MAS1: variants seen among roughly 807,000 people sequenced by gnomAD.
MAS1 encodes MAS1 proto-oncogene, G protein-coupled receptor.
For missense variants in MAS1, 387 were observed against 409.7 expected (o/e 0.94, Z 0.48); for synonymous variants, 163 against 164.2 (o/e 0.99, Z 0.05).
chr6:159,914,263 A>C lies in MAS1; in HGVS notation c.*6330A>C, dbSNP rs1018865700. On this transcript the variant is annotated 3_prime_UTR_variant, in exon 3 of 3. Coordinates refer to ENST00000674077, the MANE Select transcript of MAS1 (RefSeq NM_002377.4). ...TGCTACAGCTTTGTTATCTCTTTTG[A>C]TGTTGTCGTTTTCCCCTGAGTTTTC... 9.2e-5 allele frequency: 14 copies of C among 151,762 alleles called. No homozygotes were observed. Among genetic ancestry groups the C allele is most frequent in the African/African-American group, 3.2e-4 (13 of 41,254 alleles). 9.4% of individuals were successfully genotyped at this position (151,762 alleles called of 1,614,324 possible).
rs191602926 is a variant in MAS1, at chr6:159,895,558, G to T, written c.-243-3628G>T. Among the ~76,000 whole-genome samples, 143 of 152,188 alleles carry T rather than the reference G, an allele frequency of 9.4e-4. 2 individuals carry two copies. The South Asian group carries it at 0.01, about 11-fold the overall frequency. On this transcript the variant is annotated intron_variant, in intron 1 of 2. Transcript: ENST00000674077. ...AAATGTTTCTTGCAGTTCAATAAAA[G>T]AAATGGACATAGAGTATGAAAAAAC...
rs147267209 is a variant in MAS1, at chr6:159,907,710, A to G, written c.755A>G (p.Tyr252Cys). The G allele has an allele frequency of 2.3e-3, 3,775 of 1,613,268 alleles. 7 individuals carry two copies. Among genetic ancestry groups the G allele is most frequent in the Middle Eastern group, 2.8e-3 (17 of 6,062 alleles). ...ATGAGACTCCTTTACCTGCTGTACT[A>G]TGAGTATTGGTCGACCTTTGGGAAC... ...MPMRLLYLLY[Y>C]EYWSTFGNLH... Residue 252 changes from tyrosine to cysteine, a missense_variant, in exon 3 of 3, where the codon TAT becomes TGT. Transcript: ENST00000674077.
intron 1 of MAS1, among the ~76,000 whole-genome samples, chr6:159,897,122 C>A (rs2115109601): frequency 6.6e-6 from 1 of 152,300 alleles, no homozygotes; most frequent in Non-Finnish European, 1.5e-5. Context: ...GATCCGCCCG[C>A]CTCGGCCTCC....
At chr6:159,898,787 T>G (rs1417615362) in intron 1 of MAS1, among the ~76,000 whole-genome samples, 1 of 150,490 alleles carries the variant, frequency 6.6e-6, no homozygotes, top group Non-Finnish European at 1.5e-5. Context: ...CCTTCTCCCT[T>G]CTTCTCCTTC....
chr6:159,897,771 A>G (rs220733), intron 1 of MAS1, among the ~76,000 whole-genome samples: 150,112 of 152,344 alleles, frequency 0.99, 73,969 homozygotes, highest in East Asian at 1. Context: ...CATTTTTTTG[A>G]TGGCAGAGCT....
At chr6:159,894,526 C>T (rs1404390089) in intron 1 of MAS1, among the ~76,000 whole-genome samples, 1 of 151,542 alleles carries the variant, frequency 6.6e-6, no homozygotes, top group Non-Finnish European at 1.5e-5. Context: ...TGCAGGAAAG[C>T]AGGAGGAGAG....
At chr6:159,896,854 G>A (rs1012528012) in intron 1 of MAS1, among the ~76,000 whole-genome samples, 3 of 141,716 alleles carry the variant, frequency 2.1e-5, no homozygotes, top group African/African-American at 7.6e-5. Flanking sequence ...CAGAGACTGG[G>A]TTTTTTTGTT....
In MAS1 at chr6:159,909,082, C is replaced by T. The variant is rs542568083; in HGVS notation, c.*1149C>T. 1.3e-5 allele frequency: 2 copies of T among 151,470 alleles called. No homozygotes were observed. The highest frequency in any genetic ancestry group is 2.9e-5 in the Non-Finnish European group (2 of 67,986). 9.4% of individuals were successfully genotyped at this position (151,470 alleles called of 1,614,324 possible). A position where few individuals can be genotyped will look rare whatever the true frequency, so the allele number is the denominator to read the frequency against. ...TCTGATATTTTTGCTCATGACAGATCCTTGCATGACTTCCTCAGAATCTTT... is the reference window on the plus strand; with the variant it reads ...TCTGATATTTTTGCTCATGACAGATTCTTGCATGACTTCCTCAGAATCTTT... On this transcript the variant is annotated 3_prime_UTR_variant, in exon 3 of 3. Coordinates refer to ENST00000674077, the MANE Select transcript of MAS1 (RefSeq NM_002377.4).
Position 159,907,909 on chromosome 6 carries a change from G to C in MAS1, c.954G>C (p.Thr318=). 1 of 1,605,014 alleles carries C rather than the reference G, an allele frequency of 6.2e-7. No individual in the cohort carries two copies. The highest frequency in any genetic ancestry group is 8.5e-7 in the Non-Finnish European group (1 of 1,176,294). The change falls in exon 3 of 3, where the codon ACG becomes ACC. Residue 318 remains threonine (T), a synonymous_variant. Transcript: ENST00000674077. ...GGCGCCAGAAAGACAATTGTAATACGGTCACAGTTGAGACTGTCGTCTAAG... is the reference window on the plus strand; with the variant it reads ...GGCGCCAGAAAGACAATTGTAATACCGTCACAGTTGAGACTGTCGTCTAAG... The part of the protein sequence containing the change: ...QPRRQKDNCN[T]VTVETVV
chr6:159,891,487 C>T (rs2115104887), intron 1 of MAS1, among the ~76,000 whole-genome samples: 1 of 152,262 alleles, frequency 6.6e-6, no homozygotes, highest in South Asian at 2.1e-4. Flanking sequence ...GTTTTCAAGG[C>T]TGCTTAATGA....
chr6:159,917,316 C>T lies in MAS1; in HGVS notation c.*9383C>T, dbSNP rs1783039485. Among the ~76,000 whole-genome samples, 1 of 152,138 alleles carries T rather than the reference C, an allele frequency of 6.6e-6. No individual in the cohort carries two copies. Among genetic ancestry groups the T allele is most frequent in the Non-Finnish European group, 1.5e-5 (1 of 68,018 alleles). ...GAGATTTTCTGTAGTAAGTACATTGCCTGTAAATAGAATTCCAATTCTACA... is the reference window on the plus strand; with the variant it reads ...GAGATTTTCTGTAGTAAGTACATTGTCTGTAAATAGAATTCCAATTCTACA... On this transcript the variant is annotated 3_prime_UTR_variant, in exon 3 of 3. Coordinates refer to ENST00000674077, the MANE Select transcript of MAS1 (RefSeq NM_002377.4).
In MAS1 at chr6:159,910,324, A is replaced by G. The variant is rs1479845045; in HGVS notation, c.*2391A>G. On this transcript the variant is annotated 3_prime_UTR_variant, in exon 3 of 3. Transcript: ENST00000674077. ...TGTCTATGTCATAGGAGAAAGAGAC[A>G]CCGCATAACTACAACACCAGGCTGC... The G allele has an allele frequency of 6.6e-6, 1 of 152,258 alleles. No individual in the cohort carries two copies. The highest frequency in any genetic ancestry group is 1.5e-5 in the Non-Finnish European group (1 of 68,044). The allele number at this position is 152,258 out of a possible 1,614,324, so 9.4% of individuals were successfully genotyped here. A position where few individuals can be genotyped will look rare whatever the true frequency, so the allele number is the denominator to read the frequency against.
chr6:159,890,108 G>C (rs1324055314), upstream of MAS1, among the ~76,000 whole-genome samples: 1 of 152,162 alleles, frequency 6.6e-6, no homozygotes, highest in African/African-American at 2.4e-5. Context: ...TCAGGCTTGG[G>C]ATCTCAGACT....
intron 1 of MAS1, among the ~76,000 whole-genome samples, chr6:159,897,985 G>A (rs979250435): frequency 7.2e-5 from 11 of 151,816 alleles, no homozygotes; most frequent in African/African-American, 2.4e-4. Context: ...CTCTGTCTCC[G>A]GGGTTCAAGT....
chr6:159,892,877 T>G (rs2115106063), intron 1 of MAS1, among the ~76,000 whole-genome samples: 1 of 152,330 alleles, frequency 6.6e-6, no homozygotes, highest in South Asian at 2.1e-4. Context: ...TAGCATTTCT[T>G]ATACCCCAGC....
intron 2 of MAS1, chr6:159,906,611 G>C (rs967642716): frequency 4.8e-6 from 1 of 208,586 alleles, no homozygotes; most frequent in African/African-American, 2.3e-5. Context: ...CAGGGCACTC[G>C]GCCACTCTTG....
At chr6:159,890,958 A>T (rs986961187), upstream of MAS1, among the ~76,000 whole-genome samples, 2 of 152,182 alleles carry the variant, frequency 1.3e-5, no homozygotes, top group Non-Finnish European at 2.9e-5. Flanking sequence ...GGCACATCTC[A>T]AATATTTTCA....
At chr6:159,894,036 G>C (rs1323199322) in intron 1 of MAS1, among the ~76,000 whole-genome samples, 9 of 152,154 alleles carry the variant, frequency 5.9e-5, no homozygotes, top group Non-Finnish European at 1.3e-4. Flanking sequence ...ACCTGATGAG[G>C]CTCAGTTGGA....
rs569785407 is a variant in MAS1 at position 159,904,426 on chromosome 6, CTGTCCA to C, written c.-36-2492_-36-2487del. On this transcript the variant is annotated intron_variant, in intron 2 of 2. Coordinates refer to ENST00000674077, the MANE Select transcript of MAS1 (RefSeq NM_002377.4). Reference sequence around the variant, plus strand: ...CCCTGCTAACCCGCTTCACCTGCACCTGTCCATTCAGCAAATGGCTAAACACGTATT... The same window carrying C: ...CCCTGCTAACCCGCTTCACCTGCACCTTCAGCAAATGGCTAAACACGTATT... Among the ~76,000 whole-genome samples the C allele has an allele frequency of 3.7e-3, 570 of 152,308 alleles. 3 individuals carry two copies. The highest frequency in any genetic ancestry group is 0.013 in the African/African-American group (554 of 41,568).
Sources: gnomAD v4.1 joint callset for allele counts (sites outside exome capture counted in the v4.1 genomes callset) on GRCh38, gnomAD v4.1.1 for gene constraint, MANE v1.5 for transcripts, NCBI Gene and HGNC (gene_info 2026-07-23, HGNC 2026-07-21) for gene names.